NFILZ: variants seen among roughly 807,000 people sequenced by gnomAD.
NFILZ encodes the protein NFIL3 like basic leucine zipper.
intron 4 of NFILZ, among the ~76,000 whole-genome samples, 45 bp from the exon 5 acceptor site, chr19:8,676,314 A>T (rs541539567): frequency 6.6e-6 from 1 of 152,154 alleles, no homozygotes; most frequent in African/African-American, 2.4e-5. Context: ...TCTGATCCCA[A>T]ATTGGCTCTG....
chr19:8,668,855 G>A (rs2043074380), intron 3 of NFILZ, among the ~76,000 whole-genome samples: 2 of 152,214 alleles, frequency 1.3e-5, no homozygotes. Flanking sequence ...TCTGTAAACA[G>A]ATACAGTTGT....
At chr19:8,648,230 G>T (rs1555747397) in intron 3 of NFILZ, among the ~76,000 whole-genome samples, 1 of 149,102 alleles carries the variant, frequency 6.7e-6, no homozygotes, top group Admixed American at 6.7e-5. Flanking sequence ...ATACCTAGGC[G>T]ATGGGTTGAC....
At chr19:8,633,753 G>C (rs2042880876) in intron 2 of NFILZ, among the ~76,000 whole-genome samples, 1 of 152,188 alleles carries the variant, frequency 6.6e-6, no homozygotes, top group South Asian at 2.1e-4. Context: ...CCTGGTCAAG[G>C]GAGCAGGGTC....
chr19:8,641,496 T>G (rs531641307), intron 3 of NFILZ, among the ~76,000 whole-genome samples: 1 of 152,364 alleles, frequency 6.6e-6, no homozygotes, highest in South Asian at 2.1e-4. Flanking sequence ...TGTATGGTAT[T>G]GTGGTGCTGC....
intron 3 of NFILZ, among the ~76,000 whole-genome samples, chr19:8,643,820 T>C (rs2042928464): frequency 6.6e-6 from 1 of 152,120 alleles, no homozygotes; most frequent in Admixed American, 6.5e-5. Flanking sequence ...AATTATATAA[T>C]CCTTATAATA....
intron 3 of NFILZ, among the ~76,000 whole-genome samples, chr19:8,665,315 G>A (rs921835425): frequency 6.6e-6 from 1 of 152,094 alleles, no homozygotes; most frequent in East Asian, 1.9e-4. Flanking sequence ...AACATTATGT[G>A]GAGGTGAGGG....
chr19:8,640,404 A>G (rs1450036083), intron 3 of NFILZ, among the ~76,000 whole-genome samples: 1 of 150,726 alleles, frequency 6.6e-6, no homozygotes, highest in Non-Finnish European at 1.5e-5. Flanking sequence ...GGAAAAGTTT[A>G]CACACTTGTT....
At chr19:8,660,393 C>A (rs957927705) in intron 3 of NFILZ, among the ~76,000 whole-genome samples, 1 of 151,414 alleles carries the variant, frequency 6.6e-6, no homozygotes, top group South Asian at 2.1e-4. Context: ...GGTGTTCTAG[C>A]GGCAGAGACA....
chr19:8,645,979 C>T (rs1389433552), intron 3 of NFILZ, among the ~76,000 whole-genome samples: 1 of 152,102 alleles, frequency 6.6e-6, no homozygotes, highest in Non-Finnish European at 1.5e-5. Flanking sequence ...AGTTTTGCAC[C>T]AACCTAAATA....
chr19:8,631,289 C>G (rs1436146896), intron 1 of NFILZ, among the ~76,000 whole-genome samples: 1 of 152,140 alleles, frequency 6.6e-6, no homozygotes, highest in Non-Finnish European at 1.5e-5. Context: ...AGGCTGGCAC[C>G]CCACAGCTCT....
chr19:8,654,541 G>A (rs1555748130), intron 3 of NFILZ, among the ~76,000 whole-genome samples: 1 of 152,094 alleles, frequency 6.6e-6, no homozygotes, highest in East Asian at 1.9e-4. Flanking sequence ...CTTGAGCCCA[G>A]GAGGTCGAGG....
chr19:8,662,244 A>G (rs2967726), intron 3 of NFILZ, among the ~76,000 whole-genome samples: 103,429 of 150,986 alleles, frequency 0.69, 35,577 homozygotes, highest in Non-Finnish European at 0.71. Flanking sequence ...GGAGGGGAGC[A>G]AAAGTGTCTG....
At chr19:8,647,777 ATGCGCGCGCGCGCGCG>A (rs2042946232) in intron 3 of NFILZ, among the ~76,000 whole-genome samples, 1 of 66,414 alleles carries the variant, frequency 1.5e-5, no homozygotes, top group African/African-American at 6.6e-5. Flanking sequence ...ACACGCACAC[ATGCGCGCGCGCGCGCG>A]CGCACACACA....
rs1231744974 is a variant in NFILZ, at chr19:8,678,611, C to T, written c.*976C>T. On this transcript the variant is annotated 3_prime_UTR_variant, in exon 6 of 6. Transcript: ENST00000691075. ...TCCATCCTGTCTTCCTTCCTTGCAT[C>T]CACTCATCCTCATCCATTTACCCAT... Among the ~76,000 whole-genome samples the T allele has an allele frequency of 6.6e-6, 1 of 151,370 alleles. No individual in the cohort carries two copies. The highest frequency in any genetic ancestry group is 2.4e-5 in the African/African-American group (1 of 41,168).
chr19:8,664,996 C>T (rs2043055235), intron 3 of NFILZ, among the ~76,000 whole-genome samples: 1 of 152,160 alleles, frequency 6.6e-6, no homozygotes, highest in Non-Finnish European at 1.5e-5. Context: ...CTTCATCCCT[C>T]TCTCTGTGGT....
At chr19:8,660,080 C>T (rs1449338692) in intron 3 of NFILZ, among the ~76,000 whole-genome samples, 1 of 152,142 alleles carries the variant, frequency 6.6e-6, no homozygotes, top group Non-Finnish European at 1.5e-5. Flanking sequence ...GCATCAAAGG[C>T]GCTTTTGGGA....
In NFILZ at chr19:8,656,516, C is replaced by A. The variant is rs868909111; in HGVS notation, c.-163-18035C>A. Among the ~76,000 whole-genome samples, 609 of 63,390 alleles carry A rather than the reference C, an allele frequency of 9.6e-3. 7 individuals carry two copies. Among genetic ancestry groups the A allele is most frequent in the Middle Eastern group, 0.047 (6 of 128 alleles). 41.6% of individuals were successfully genotyped at this position (63,390 alleles called of 152,430 possible). On this transcript the variant is annotated intron_variant, in intron 3 of 5. Coordinates refer to ENST00000691075, the MANE Select transcript of NFILZ (RefSeq NM_001378600.1). ...TTCTCCCGCAGCCCACCTTCTCCTG[C>A]AGCCCACCTTCTCTCTGAAGCTCCC...
intron 3 of NFILZ, among the ~76,000 whole-genome samples, chr19:8,664,204 T>G (rs930675820): frequency 2.8e-4 from 43 of 152,224 alleles, no homozygotes; most frequent in African/African-American, 9.6e-4. Context: ...GAACAATGTA[T>G]GTACCGGGTT....
chr19:8,637,569 C>T (rs1186267638), intron 3 of NFILZ, among the ~76,000 whole-genome samples: 1 of 150,292 alleles, frequency 6.7e-6, no homozygotes. Context: ...CCCGAGATTG[C>T]ACCACTGCTC....
Sources: gnomAD v4.1 joint callset for allele counts (sites outside exome capture counted in the v4.1 genomes callset) on GRCh38, gnomAD v4.1.1 for gene constraint, MANE v1.5 for transcripts, NCBI Gene and HGNC (gene_info 2026-07-23, HGNC 2026-07-21) for gene names.